TMC1: variants seen among roughly 807,000 people sequenced by gnomAD.
TMC1 encodes transmembrane channel-like protein 1.
TMC1 carries 84 observed loss-of-function variants against 105.8 expected under a neutral mutation model. The observed-to-expected ratio is 0.79, with a 90% CI of 0.67 to 0.95. The LOEUF (loss-of-function observed/expected upper bound fraction) is 0.95. TMC1 is among the 40% of genes least tolerant of loss of function. The pLI, the probability that TMC1 is intolerant of heterozygous loss-of-function variation, is 0.00. For missense variants in TMC1, 817 were observed against 914.1 expected (o/e 0.89, Z 1.37); for synonymous variants, 315 against 311.5 (o/e 1.01, Z -0.12).
chr9:72,646,697 T>C (rs7341881), intron 4 of TMC1, among the ~76,000 whole-genome samples: 75,166 of 151,592 alleles, frequency 0.5, 18,948 homozygotes, highest in African/African-American at 0.59. Context: ...GCAGTGGCAC[T>C]ATCTCGACTC....
intron 5 of TMC1, among the ~76,000 whole-genome samples, chr9:72,665,812 G>T (rs1474010059): frequency 6.6e-6 from 1 of 152,200 alleles, no homozygotes; most frequent in Non-Finnish European, 1.5e-5. Flanking sequence ...TTAGATGTAG[G>T]TGAAGGCTGT....
chr9:72,627,076 T>A (rs952937050), intron 3 of TMC1, among the ~76,000 whole-genome samples: 2 of 151,388 alleles, frequency 1.3e-5, no homozygotes, highest in African/African-American at 4.9e-5. Flanking sequence ...TAACTTTAAA[T>A]CTCTTATTGT....
chr9:72,572,024 T>C (rs1262256215), intron 1 of TMC1, among the ~76,000 whole-genome samples: 1 of 152,054 alleles, frequency 6.6e-6, no homozygotes, highest in African/African-American at 2.4e-5. Context: ...TTAGTAGAGA[T>C]GGGCTTTCTC....
At chr9:72,668,482 TTTC>T (rs1826078076) in intron 5 of TMC1, among the ~76,000 whole-genome samples, 1 of 152,318 alleles carries the variant, frequency 6.6e-6, no homozygotes, top group East Asian at 1.9e-4. Context: ...CTGCTTCTGT[TTTC>T]TTCTCTGTAC....
intron 8 of TMC1, among the ~76,000 whole-genome samples, chr9:72,726,071 A>T (rs1248830191): frequency 6.6e-6 from 1 of 152,182 alleles, no homozygotes; most frequent in African/African-American, 2.4e-5. Flanking sequence ...AATCAAGTTG[A>T]CACTCAGTAT....
intron 2 of TMC1, among the ~76,000 whole-genome samples, chr9:72,595,872 C>CT (rs59299971): frequency 0.031 from 3,806 of 120,942 alleles, 173 homozygotes; most frequent in African/African-American, 0.1. Flanking sequence ...GATGGGGTTT[C>CT]TTTTTTTTTT....
At chr9:72,579,689 A>C (rs1403177183) in intron 2 of TMC1, among the ~76,000 whole-genome samples, 1 of 152,170 alleles carries the variant, frequency 6.6e-6, no homozygotes, top group Non-Finnish European at 1.5e-5. Flanking sequence ...TTCAATCTTC[A>C]CAACAGTCTT....
chr9:72,766,178 G>A (rs1018241464), intron 12 of TMC1, among the ~76,000 whole-genome samples: 2 of 152,120 alleles, frequency 1.3e-5, no homozygotes, highest in Non-Finnish European at 2.9e-5. Context: ...AGCACTTTGG[G>A]AGGCCGAGGT....
intron 21 of TMC1, among the ~76,000 whole-genome samples, chr9:72,827,238 G>A (rs1276289054): frequency 6.6e-6 from 1 of 152,162 alleles, no homozygotes; most frequent in African/African-American, 2.4e-5. Context: ...TTGTTCCCAA[G>A]TAACCACAAT....
rs112843964 is a variant in TMC1, at chr9:72,754,839, C to T, written c.696C>T (p.Ala232=). 1.1e-4 allele frequency: 184 copies of T among 1,614,052 alleles called. 2 individuals carry two copies. The African/African-American group carries it at 1.9e-3, about 17-fold the overall frequency. ...TACCTAGGAAAACCGTTCCCAGAGC[C>T]GAAGAGGCATCGGCAGCAAACTTTG... The part of the protein sequence containing the change: ...GSLPRKTVPR[A]EEASAANFGV... Residue 232 remains alanine (A), a synonymous_variant, in exon 12 of 24, where the codon GCC becomes GCT. Transcript: ENST00000297784.
intron 7 of TMC1, among the ~76,000 whole-genome samples, chr9:72,695,477 C>T (rs1826533274): frequency 6.6e-6 from 1 of 152,050 alleles, no homozygotes; most frequent in Non-Finnish European, 1.5e-5. Flanking sequence ...AAGAGAAAAC[C>T]TAGACCCCTT....
intron 3 of TMC1, among the ~76,000 whole-genome samples, chr9:72,625,266 A>T (rs1181029570): frequency 6.6e-6 from 1 of 152,140 alleles, no homozygotes; most frequent in African/African-American, 2.4e-5. Flanking sequence ...AACAAATTGG[A>T]TTTATTGCTT....
At chr9:72,570,308 C>T (rs1824254647) in intron 1 of TMC1, among the ~76,000 whole-genome samples, 1 of 151,220 alleles carries the variant, frequency 6.6e-6, no homozygotes, top group African/African-American at 2.4e-5. Context: ...TTCTTTATCT[C>T]CTTCACTCCT....
intron 2 of TMC1, among the ~76,000 whole-genome samples, chr9:72,592,009 T>G (rs1356074641): frequency 4.6e-5 from 7 of 152,164 alleles, no homozygotes; most frequent in African/African-American, 1.7e-4. Context: ...TGGGTAGTGG[T>G]CAGGGATGCT....
At chr9:72,743,152 G>A (rs1006878877) in intron 10 of TMC1, among the ~76,000 whole-genome samples, 1 of 151,958 alleles carries the variant, frequency 6.6e-6, no homozygotes, top group Admixed American at 6.5e-5. Context: ...CGGATCACGA[G>A]GTCAGGAGAT....
rs75124257 is a variant in TMC1 at position 72,670,508 on chromosome 9, A to C, written c.17-18201A>C. Reference sequence around the variant, plus strand: ...GTAAAATTCATAATGTCTAATATGCAACCAAATATTACCATGAATATAAAG... The same window carrying C: ...GTAAAATTCATAATGTCTAATATGCCACCAAATATTACCATGAATATAAAG... On this transcript the variant is annotated intron_variant, in intron 5 of 23. Transcript: ENST00000297784. 4.8e-3 allele frequency among the ~76,000 whole-genome samples: 724 copies of C among 152,318 alleles called. 12 individuals carry two copies. The East Asian group carries it at 0.058, about 12-fold the overall frequency.
intron 1 of TMC1, among the ~76,000 whole-genome samples, chr9:72,545,495 A>T (rs1156813971): frequency 5.9e-5 from 9 of 152,102 alleles, no homozygotes; most frequent in Admixed American, 5.9e-4. Flanking sequence ...AGATTTGTCA[A>T]CTTTTTGTTT....
At chr9:72,529,469 T>A (rs548588761) in intron 1 of TMC1, among the ~76,000 whole-genome samples, 1 of 152,260 alleles carries the variant, frequency 6.6e-6, no homozygotes, top group Admixed American at 6.5e-5. Flanking sequence ...AAAATTCTGC[T>A]GTAATAAACC....
At chr9:72,570,230 AGTGTGTGTGT>A (rs3223165) in intron 1 of TMC1, among the ~76,000 whole-genome samples, 38 of 145,712 alleles carry the variant, frequency 2.6e-4, no homozygotes, top group Admixed American at 1.7e-3. Flanking sequence ...CTCAAAGAGT[AGTGTGTGTGT>A]GTGTGTGTGT....
Sources: allele counts gnomAD v4.1 joint callset (sites outside exome capture counted in the v4.1 genomes callset), GRCh38; gene constraint gnomAD v4.1.1; transcripts MANE v1.5; gene names NCBI Gene and HGNC (gene_info 2026-07-23, HGNC 2026-07-21).